The following NTRK2 variants were observed in gnomAD, a reference collection of about 807,000 sequenced individuals.
The protein encoded by NTRK2 is neurotrophic receptor tyrosine kinase 2.
NTRK2 carries 13 observed loss-of-function variants against 94.5 expected under a neutral mutation model. The ratio of observed to expected loss-of-function variants is 0.14; its 90% CI spans 0.09 to 0.22. NTRK2 has a LOEUF of 0.22. NTRK2 is among the 10% of genes least tolerant of loss of function. The probability of loss-of-function intolerance (pLI) is 1.00; values close to 1 mark genes in which losing one functional copy is unlikely to be tolerated. For synonymous variants in NTRK2, 372 were observed against 407.4 expected (o/e 0.91, Z 1.05); for missense variants, 639 against 1,071.2 (o/e 0.60, Z 5.63).
At chr9:84,686,387 C>G (rs141934692) in intron 2 of NTRK2, among the ~76,000 whole-genome samples, 1 of 152,338 alleles carries the variant, frequency 6.6e-6, no homozygotes, top group East Asian at 1.9e-4. Flanking sequence ...GGAAAAGAAT[C>G]ACTCCAGGGT....
intron 12 of NTRK2, among the ~76,000 whole-genome samples, chr9:84,778,366 A>G (rs755609362): frequency 7.2e-5 from 11 of 152,196 alleles, no homozygotes; most frequent in Non-Finnish European, 1.2e-4. Context: ...TTTCTCTCCT[A>G]TGGAAGGGCC....
chr9:84,975,204 G>A (rs57155363), intron 17 of NTRK2, among the ~76,000 whole-genome samples: 32,976 of 151,920 alleles, frequency 0.22, 4,295 homozygotes, highest in African/African-American at 0.37. Context: ...CAAGAGAAGT[G>A]GAGCTTTTTT....
chr9:84,864,521 A>G (rs2075485862), intron 13 of NTRK2, among the ~76,000 whole-genome samples: 3 of 152,134 alleles, frequency 2.0e-5, no homozygotes. Context: ...TTTTAAGAAA[A>G]AGAAACTCCT....
intron 2 of NTRK2, among the ~76,000 whole-genome samples, chr9:84,682,936 T>C (rs1359729033): frequency 6.6e-6 from 1 of 152,202 alleles, no homozygotes; most frequent in Non-Finnish European, 1.5e-5. Flanking sequence ...ACAACTCCAG[T>C]GTACAAGTTC....
intron 17 of NTRK2, among the ~76,000 whole-genome samples, chr9:84,967,831 G>A (rs139057851): frequency 4.6e-5 from 7 of 152,240 alleles, no homozygotes; most frequent in South Asian, 2.1e-4. Flanking sequence ...GGTTAAGGGC[G>A]TGGAGGGAAC....
chr9:84,875,693 T>G, intron 14 of NTRK2: 2 of 1,054,278 alleles, frequency 1.9e-6, no homozygotes, highest in Non-Finnish European at 1.1e-6. Flanking sequence ...AGTCTCCTTT[T>G]GGTCACTCCC....
intron 12 of NTRK2, among the ~76,000 whole-genome samples, chr9:84,844,649 TCACACACACACACACACACACACACACA>T (rs10562034): frequency 7.1e-6 from 1 of 140,828 alleles, no homozygotes; most frequent in Non-Finnish European, 1.5e-5. Flanking sequence ...AATACCTCAC[TCACACACACACACACACACACACACACA>T]CACACACACA....
Position 84,746,442 on chromosome 9 carries a change from C to A in NTRK2, c.1296+1369C>A, listed in dbSNP as rs1412283124. On this transcript the variant is annotated intron_variant, in intron 11 of 18. Coordinates refer to ENST00000277120, the MANE Select transcript of NTRK2 (RefSeq NM_006180.6). ...CTGCATGACCACGCAGCCTCCTAAC[C>A]CATCTCCCTCTCCCAGCCTTGTGTT... 3.9e-5 allele frequency among the ~76,000 whole-genome samples: 6 copies of A among 152,190 alleles called. No individual in the cohort carries two copies. The East Asian group carries it at 1.2e-3, about 29-fold the overall frequency.
chr9:84,737,100 A>G (rs1161801088), intron 9 of NTRK2, among the ~76,000 whole-genome samples: 1 of 152,254 alleles, frequency 6.6e-6, no homozygotes, highest in Non-Finnish European at 1.5e-5. Flanking sequence ...TAGAATGGAT[A>G]GAAAAGTCTT....
rs1055758932 is a variant in NTRK2, at chr9:84,802,356, T to C, written c.1396+50271T>C. On this transcript the variant is annotated intron_variant, in intron 12 of 18. Transcript: ENST00000277120. ...TACAATCCAGGGTTTTCCTCATATA[T>C]AAATTCCACTTGAACCAAAGAATTA... is the stretch of plus-strand genomic sequence containing the variant. Among the ~76,000 whole-genome samples the C allele has an allele frequency of 1.4e-4, 21 of 152,196 alleles. No individual in the cohort carries two copies. In the East Asian group the frequency reaches 4.0e-3, roughly 29 times the overall value.
intron 12 of NTRK2, among the ~76,000 whole-genome samples, chr9:84,855,399 C>T (rs2075014605): frequency 6.6e-6 from 1 of 152,122 alleles, no homozygotes; most frequent in South Asian, 2.1e-4. Flanking sequence ...ATGTCTTCGT[C>T]TCTGTGGGTA....
At chr9:84,810,709 A>G in intron 12 of NTRK2, 2 of 1,570,122 alleles carry the variant, frequency 1.3e-6, no homozygotes, top group Non-Finnish European at 1.7e-6. Flanking sequence ...TTTCTGGTAG[A>G]TGTGGGCGGT....
intron 12 of NTRK2, among the ~76,000 whole-genome samples, chr9:84,822,231 G>A (rs2072896750): frequency 6.6e-6 from 1 of 152,066 alleles, no homozygotes; most frequent in Non-Finnish European, 1.5e-5. Context: ...CAAAGAAGTT[G>A]TCACCTTCTT....
rs200207499 is a variant in NTRK2, at chr9:84,955,475, C to T, written c.2130C>T (p.Asp710=). The change falls in exon 17 of 19, where the codon GAC becomes GAT. Residue 710 remains aspartate (D), a synonymous_variant. Transcript: ENST00000277120. ...AGAACTTGCTGGTGAAAATCGGGGA[C>T]TTTGGGATGTCCCGGGACGTGTACA... ...VGENLLVKIG[D]FGMSRDVYST... The T allele has an allele frequency of 5.0e-6, 8 of 1,614,116 alleles. No individual in the cohort carries two copies. In the African/African-American group the frequency reaches 1.1e-4, roughly 22 times the overall value.
chr9:84,940,606 G>A (rs1479388902), intron 15 of NTRK2, among the ~76,000 whole-genome samples: 1 of 152,096 alleles, frequency 6.6e-6, no homozygotes, highest in African/African-American at 2.4e-5. Flanking sequence ...GTCATCTGAG[G>A]TGGTCACGTG....
At position 84,783,587 on chromosome 9, in the gene NTRK2, C is replaced by CT. The variant is rs533920068; in HGVS notation, c.1396+31503dup. On this transcript the variant is annotated intron_variant, in intron 12 of 18. Transcript: ENST00000277120. ...ACTTTAAATAGAGTTTGAAAGGTGCCTAGAAAATGGTCCTCAGAGATGGGC... is the reference window on the plus strand; with the variant it reads ...ACTTTAAATAGAGTTTGAAAGGTGCCTTAGAAAATGGTCCTCAGAGATGGGC... 2.4e-3 allele frequency among the ~76,000 whole-genome samples: 359 copies of CT among 152,192 alleles called. 1 individual carries two copies. The highest frequency in any genetic ancestry group is 5.4e-3 in the South Asian group (26 of 4,816).
intron 17 of NTRK2, 98 bp downstream of exon 17, chr9:84,955,615 C>A: frequency 9.8e-7 from 1 of 1,022,230 alleles, no homozygotes; most frequent in Non-Finnish European, 1.5e-6. Context: ...AATATCATGA[C>A]TGGGTGGCTT....
intron 14 of NTRK2, chr9:84,876,401 G>A (rs759903608): frequency 1.9e-6 from 2 of 1,054,230 alleles, no homozygotes; most frequent in Non-Finnish European, 2.3e-6. Context: ...ATCCATTTAT[G>A]TTTTCATGCT....
rs536541688 is a variant in NTRK2 at position 84,683,647 on chromosome 9, A to G, written c.212+12687A>G. Among the ~76,000 whole-genome samples, 5 of 152,276 alleles carry G rather than the reference A, an allele frequency of 3.3e-5. No homozygotes were observed. The South Asian group carries it at 1.0e-3, about 32-fold the overall frequency. On this transcript the variant is annotated intron_variant, in intron 2 of 18. Coordinates refer to ENST00000277120, the MANE Select transcript of NTRK2 (RefSeq NM_006180.6). ...GCTATTGTAAATAGTGCCGCAATAA[A>G]TATATGTGTGCATGTGTCTTTATAG... is the stretch of plus-strand genomic sequence containing the variant.
Sources: allele counts gnomAD v4.1 joint callset (sites outside exome capture counted in the v4.1 genomes callset), GRCh38; gene constraint gnomAD v4.1.1; transcripts MANE v1.5; gene names NCBI Gene and HGNC (gene_info 2026-07-23, HGNC 2026-07-21).